Variants in SDK1 observed in about 807,000 individuals in gnomAD.
The protein encoded by SDK1 is protein sidekick-1.
In SDK1, 157 loss-of-function variants were observed where a neutral mutation model predicts 245.5. The ratio of observed to expected loss-of-function variants is 0.64; its 90% CI spans 0.56 to 0.73. The LOEUF is 0.73. SDK1 is among the 30% of genes least tolerant of loss of function. The pLI is 0.00. For missense variants in SDK1, 3,583 were observed against 3,002.3 expected (o/e 1.19, Z -4.52); for synonymous variants, 1,647 against 1,278.5 (o/e 1.29, Z -6.15).
chr7:3,303,139 T>C (rs1455893292), intron 1 of SDK1, among the ~76,000 whole-genome samples: 1 of 152,214 alleles, frequency 6.6e-6, no homozygotes, highest in Admixed American at 6.5e-5. Context: ...TCTGGTTAAT[T>C]TAACTCCTCC....
chr7:3,468,960 T>C (rs1013847739), intron 1 of SDK1, among the ~76,000 whole-genome samples: 1 of 152,318 alleles, frequency 6.6e-6, no homozygotes, highest in Admixed American at 6.5e-5. Flanking sequence ...ACAATTTAGG[T>C]ATTTCCCTAA....
intron 4 of SDK1, among the ~76,000 whole-genome samples, chr7:3,690,155 C>G (rs554797728): frequency 1.3e-5 from 2 of 152,144 alleles, no homozygotes; most frequent in African/African-American, 2.4e-5. Context: ...GAAGCTGGGA[C>G]TAATAGCCCA....
chr7:3,974,351 C>A lies in SDK1; in HGVS notation c.1818-18C>A, dbSNP rs369052627. Reference sequence around the variant, plus strand: ...CACTGTGGGGTTTGTAACTCAAGACCCTTTGCTTGGCCCACAGCTACGTTT... The same window carrying A: ...CACTGTGGGGTTTGTAACTCAAGACACTTTGCTTGGCCCACAGCTACGTTT... On this transcript the variant is annotated intron_variant, in intron 12 of 44. Transcript: ENST00000404826. The A allele has an allele frequency of 2.8e-4, 454 of 1,604,874 alleles. 1 individual carries two copies. Among genetic ancestry groups the A allele is most frequent in the Non-Finnish European group, 3.6e-4 (417 of 1,172,812 alleles).
intron 14 of SDK1, among the ~76,000 whole-genome samples, chr7:4,008,104 A>T (rs927847839): frequency 6.6e-6 from 1 of 152,090 alleles, no homozygotes; most frequent in African/African-American, 2.4e-5. Context: ...TGTCTCTGTG[A>T]ATTTGTTCTA....
At chr7:3,703,327 G>C (rs899024169) in intron 4 of SDK1, among the ~76,000 whole-genome samples, 1 of 152,180 alleles carries the variant, frequency 6.6e-6, no homozygotes, top group Non-Finnish European at 1.5e-5. Context: ...GGGTGAATGA[G>C]TCTGAGGGGA....
chr7:3,896,081 A>C (rs79303144), intron 5 of SDK1, among the ~76,000 whole-genome samples: 1 of 152,278 alleles, frequency 6.6e-6, no homozygotes, highest in African/African-American at 2.4e-5. Context: ...GTAAATATCA[A>C]TTAGGTCAAG....
chr7:3,595,096 A>T (rs1781008920), intron 1 of SDK1, among the ~76,000 whole-genome samples: 1 of 152,196 alleles, frequency 6.6e-6, no homozygotes, highest in Admixed American at 6.5e-5. Context: ...CAACGCGTAG[A>T]AGATTGAAGT....
intron 1 of SDK1, among the ~76,000 whole-genome samples, chr7:3,499,749 G>A (rs1164784272): frequency 6.6e-6 from 1 of 152,188 alleles, no homozygotes; most frequent in Non-Finnish European, 1.5e-5. Context: ...TTTCCCTGGA[G>A]TTTACCAAAG....
rs181133230 is a variant in SDK1 at position 3,701,610 on chromosome 7, A to C, written c.713+59505A>C. 3.1e-3 allele frequency among the ~76,000 whole-genome samples: 473 copies of C among 152,312 alleles called. 1 individual carries two copies. The highest frequency in any genetic ancestry group is 5.3e-3 in the Non-Finnish European group (362 of 68,026). ...CGAGACCCTGTCTCAAAAAAACCCA[A>C]AAATATAAAAGATTATTCTAAAATT... On this transcript the variant is annotated intron_variant, in intron 4 of 44. Transcript: ENST00000404826.
In SDK1 at chr7:3,987,923, G is replaced by A. The variant is rs191385975; in HGVS notation, c.2131+601G>A. 3.4e-4 allele frequency among the ~76,000 whole-genome samples: 51 copies of A among 152,132 alleles called. 1 individual carries two copies. Among genetic ancestry groups the A allele is most frequent in the Middle Eastern group, 3.4e-3 (1 of 294 alleles). ...TGCCCCGCCGTGTGCACCCACTCAC[G>A]CCTCTCCGCTCTCCCTGGAATCTCT... On this transcript the variant is annotated intron_variant, in intron 14 of 44. Transcript: ENST00000404826.
At chr7:4,021,133 C>T (rs1002164424) in intron 17 of SDK1, among the ~76,000 whole-genome samples, 17 of 152,108 alleles carry the variant, frequency 1.1e-4, no homozygotes, top group Admixed American at 2.6e-4. Context: ...GCCCTGACCC[C>T]GAGGGTAGGG....
At chr7:3,884,071 GTTTGTTTTTTTGTTTT>G (rs1320700720) in intron 5 of SDK1, among the ~76,000 whole-genome samples, 1 of 139,292 alleles carries the variant, frequency 7.2e-6, no homozygotes, top group African/African-American at 2.8e-5. Flanking sequence ...TTTTTTGTTT[GTTTGTTTTTTTGTTTT>G]TTTTTTTTTT....
chr7:3,574,934 A>C (rs1780237306), intron 1 of SDK1, among the ~76,000 whole-genome samples: 2 of 151,818 alleles, frequency 1.3e-5, no homozygotes, highest in Non-Finnish European at 2.9e-5. Flanking sequence ...GTTGTGTGGG[A>C]GCCTCTTGGT....
At chr7:3,514,500 G>A (rs978937189) in intron 1 of SDK1, among the ~76,000 whole-genome samples, 2 of 152,076 alleles carry the variant, frequency 1.3e-5, no homozygotes, top group African/African-American at 4.8e-5. Flanking sequence ...TTGGTTTGGC[G>A]GTCCCACAGC....
intron 5 of SDK1, among the ~76,000 whole-genome samples, chr7:3,943,017 T>C (rs890521463): frequency 3.9e-5 from 6 of 152,218 alleles, no homozygotes; most frequent in African/African-American, 1.4e-4. Flanking sequence ...GCCCATGGCC[T>C]GTCCCTGTTC....
intron 1 of SDK1, among the ~76,000 whole-genome samples, chr7:3,541,286 G>C (rs894063193): frequency 6.6e-6 from 1 of 152,180 alleles, no homozygotes; most frequent in Non-Finnish European, 1.5e-5. Flanking sequence ...GTCTAGTAGA[G>C]CAAAACCCTT....
chr7:3,857,222 A>G (rs965616297), intron 5 of SDK1, among the ~76,000 whole-genome samples: 2 of 152,328 alleles, frequency 1.3e-5, no homozygotes, highest in South Asian at 4.1e-4. Flanking sequence ...ATCTGGGGAA[A>G]GATGTCTACT....
At position 3,656,515 on chromosome 7, in the gene SDK1, A is replaced by C. The variant is rs892404664; in HGVS notation, c.713+14410A>C. Among the ~76,000 whole-genome samples the C allele has an allele frequency of 2.0e-5, 3 of 152,160 alleles. No homozygotes were observed. The East Asian group carries it at 5.8e-4, about 29-fold the overall frequency. ...TTGGACTCTAAGGGGGTACTGCTGG[A>C]GTCAAAAATTAAGAAAACTTTGTAA... On this transcript the variant is annotated intron_variant, in intron 4 of 44. Coordinates refer to ENST00000404826, the MANE Select transcript of SDK1 (RefSeq NM_152744.4).
At chr7:3,972,778 A>C (rs1354973792) in intron 12 of SDK1, among the ~76,000 whole-genome samples, 1 of 152,198 alleles carries the variant, frequency 6.6e-6, no homozygotes, top group Non-Finnish European at 1.5e-5. Flanking sequence ...GTGTTTGGCC[A>C]ATTGTAAATT....
Sources: gnomAD v4.1 joint callset for allele counts (sites outside exome capture counted in the v4.1 genomes callset) on GRCh38, gnomAD v4.1.1 for gene constraint, MANE v1.5 for transcripts, NCBI Gene and HGNC (gene_info 2026-07-23, HGNC 2026-07-21) for gene names.